The following DMXL2 variants were observed in gnomAD, a reference collection of about 807,000 sequenced individuals.
DMXL2 encodes the protein Dmx like 2, also known as dmX-like protein 2.
Under a neutral mutation model 331.1 loss-of-function variants are expected in DMXL2, and 103 were observed. The ratio of observed to expected loss-of-function variants is 0.31; its 90% CI spans 0.27 to 0.37. The LOEUF (loss-of-function observed/expected upper bound fraction) is 0.37. DMXL2 is among the 10% of genes least tolerant of loss of function. DMXL2 has a pLI of 1.00. For missense variants in DMXL2, 3,171 were observed against 3,642.9 expected (o/e 0.87, Z 3.33); for synonymous variants, 1,281 against 1,252.1 (o/e 1.02, Z -0.49).
At position 51,451,649 on chromosome 15, in the gene DMXL2, A is replaced by C. The variant is rs780665297; in HGVS notation, c.8745T>G (p.Ile2915Met). 2 of 1,612,406 alleles carry C rather than the reference A, an allele frequency of 1.2e-6. No homozygotes were observed. The highest frequency in any genetic ancestry group is 1.7e-6 in the Non-Finnish European group (2 of 1,178,842). ...AAATCATAGACCTTAACTCACCATG[A>C]ATGAGGCTGTTTCCGGGTGATATTA... is the stretch of plus-strand genomic sequence containing the variant. ...DTLISPGNSLIHGFTCHDHGA... is the reference protein window; with the variant it reads ...DTLISPGNSLMHGFTCHDHGA... The change falls in exon 42 of 44, where the codon ATT (isoleucine) becomes ATG (methionine). Residue 2915 changes from isoleucine to methionine, a missense_variant. Coordinates refer to ENST00000560891, the MANE Select transcript of DMXL2 (RefSeq NM_001378457.1).
At chr15:51,519,633 CTTG>C in intron 13 of DMXL2, among the ~76,000 whole-genome samples, 1 of 118,326 alleles carries the variant, frequency 8.5e-6, no homozygotes, top group Non-Finnish European at 1.8e-5. Flanking sequence ...GACAAAGTCT[CTTG>C]TTTTTTTTTT....
chr15:51,502,306 TTGTGTGTGTGTGTG>T (rs769283309), intron 17 of DMXL2, among the ~76,000 whole-genome samples: 1 of 140,558 alleles, frequency 7.1e-6, no homozygotes, highest in Non-Finnish European at 1.5e-5. Flanking sequence ...TTTTGTGGGT[TTGTGTGTGTGTGTG>T]TGTGTGTGTG....
chr15:51,480,386 A>T (rs931781053), intron 24 of DMXL2, among the ~76,000 whole-genome samples, 156 bp downstream of exon 24: 1 of 152,230 alleles, frequency 6.6e-6, no homozygotes, highest in Non-Finnish European at 1.5e-5. Context: ...TCAGTCTAAG[A>T]CACATAGAGT....
rs149207084 is a variant in DMXL2, at chr15:51,471,301, C to T, written c.7314G>A (p.Pro2438=). Residue 2438 remains proline, a synonymous_variant, in exon 29 of 44, where the codon CCG becomes CCA. Transcript: ENST00000560891. The part of the protein sequence containing the change: ...GRPVKDATPP[P]VPAERPSYKE... ...TGTAAGATGGTCTTTCTGCAGGCAC[C>T]GGTGGTGGGGTAGCATCTTTTACAG... 25 of 1,613,756 alleles carry T rather than the reference C, an allele frequency of 1.5e-5. No homozygotes were observed. In the South Asian group the frequency reaches 1.8e-4, roughly 11 times the overall value.
rs777505764 is a variant in DMXL2, at chr15:51,545,713, A to C, written c.800T>G (p.Leu267Arg). 6.2e-7 allele frequency: 1 copy of C among 1,613,714 alleles called. No individual in the cohort carries two copies. The highest frequency in any genetic ancestry group is 1.7e-5 in the Admixed American group (1 of 59,990). The stretch of plus-strand genomic sequence containing the variant: ...TTCTGGTAATAAAGTTTCTGCCCAG[A>C]GCCGGCACACACCATCATGACATGA... ...LTSCHDGVCR[L>R]WAETLLPEDC... The change falls in exon 8 of 44, where the codon CTC becomes CGC. Residue 267 changes from leucine to arginine, a missense_variant. Coordinates refer to ENST00000560891, the MANE Select transcript of DMXL2 (RefSeq NM_001378457.1).
rs752607350 is a variant in DMXL2 at position 51,474,393 on chromosome 15, G to A, written c.7164C>T (p.Gly2388=). Residue 2388 remains glycine, a synonymous_variant, in exon 28 of 44, where the codon GGC becomes GGT. Coordinates refer to ENST00000560891, the MANE Select transcript of DMXL2 (RefSeq NM_001378457.1). ...NNRMWAAVFG[G]GVKLVVKPRR... ...GAGGTTTCACAACAAGTTTTACACC[G>A]CCTCCAAAAACAGCAGCCCACATTC... 1.3e-5 allele frequency: 21 copies of A among 1,613,178 alleles called. No homozygotes were observed. The highest frequency in any genetic ancestry group is 1.0e-4 in the Admixed American group (6 of 59,980).
At chr15:51,500,624 T>A (rs904516654) in intron 17 of DMXL2, among the ~76,000 whole-genome samples, 1 of 152,238 alleles carries the variant, frequency 6.6e-6, no homozygotes, top group East Asian at 1.9e-4. Context: ...ATCATTTTCA[T>A]CATGAATACT....
At chr15:51,533,358 A>G (rs938277619) in intron 13 of DMXL2, among the ~76,000 whole-genome samples, 2 of 152,162 alleles carry the variant, frequency 1.3e-5, no homozygotes, top group Admixed American at 1.3e-4. Flanking sequence ...ATTTGAAGGT[A>G]GACTATGAGA....
At chr15:51,533,047 G>C (rs1166717800) in intron 13 of DMXL2, among the ~76,000 whole-genome samples, 1 of 152,096 alleles carries the variant, frequency 6.6e-6, no homozygotes, top group African/African-American at 2.4e-5. Context: ...TAACTACATG[G>C]ACACCAACAT....
At chr15:51,507,975 G>T (rs558497548) in intron 15 of DMXL2, among the ~76,000 whole-genome samples, 126 of 152,202 alleles carry the variant, frequency 8.3e-4, no homozygotes, top group Middle Eastern at 3.4e-3. Context: ...TCTAATGCAG[G>T]ATAATAAAAG....
chr15:51,502,619 A>C (rs2140512554), intron 17 of DMXL2, among the ~76,000 whole-genome samples, 187 bp downstream of exon 17: 1 of 152,276 alleles, frequency 6.6e-6, no homozygotes, highest in South Asian at 2.1e-4. Flanking sequence ...CACCGCACCC[A>C]GCCAGGAAAT....
At chr15:51,489,192 T>G (rs1409077546) in intron 20 of DMXL2, among the ~76,000 whole-genome samples, 1 of 152,208 alleles carries the variant, frequency 6.6e-6, no homozygotes, top group Non-Finnish European at 1.5e-5. Context: ...CCATACCTTA[T>G]TTTTCCAAGA....
Position 51,576,187 on chromosome 15 carries a change from A to AAAAAAAAAAAAAAT in DMXL2, c.88-7_88-6insATTTTTTTTTTTTT. The AAAAAAAAAAAAAAT allele has an allele frequency of 7.1e-7, 1 of 1,405,450 alleles. No homozygotes were observed. Among genetic ancestry groups the AAAAAAAAAAAAAAT allele is most frequent in the Non-Finnish European group, 9.4e-7 (1 of 1,060,044 alleles). 87.1% of individuals were successfully genotyped at this position (1,405,450 alleles called of 1,614,324 possible). ...TCACAGCCTGATCCATATGCCTAAA[A>AAAAAAAAAAAAAAT]AAAAAAAAAAAAAAAAGTTTTACAA... On this transcript the variant is annotated splice_region_variant and splice_polypyrimidine_tract_variant and intron_variant, in intron 1 of 43. Coordinates refer to ENST00000560891, the MANE Select transcript of DMXL2 (RefSeq NM_001378457.1).
Position 51,536,833 on chromosome 15 carries a change from T to C in DMXL2, c.1647A>G (p.Ala549=), listed in dbSNP as rs1289434866. ...GAGAGCTTGCATCACCAGAGGGAAA[T>C]GCAACAGGAATCCGAGAAGAAAAAG... ...QVSFSSRIPV[A]FPSGDASSLS... is the part of the protein sequence containing the mutation. Residue 549 remains alanine (A), a synonymous_variant, in exon 12 of 44, where the codon GCA becomes GCG. Coordinates refer to ENST00000560891, the MANE Select transcript of DMXL2 (RefSeq NM_001378457.1). 1.2e-6 allele frequency: 2 copies of C among 1,608,666 alleles called. No individual in the cohort carries two copies. Among genetic ancestry groups the C allele is most frequent in the South Asian group, 2.2e-5 (2 of 89,804 alleles).
At chr15:51,484,111 G>T (rs751570745) in intron 23 of DMXL2, among the ~76,000 whole-genome samples, 2 of 152,136 alleles carry the variant, frequency 1.3e-5, no homozygotes, top group Non-Finnish European at 2.9e-5. Flanking sequence ...CAGCTGAGCA[G>T]CCATGCAATC....
At chr15:51,498,311 G>C (rs1360665747) in intron 18 of DMXL2, among the ~76,000 whole-genome samples, 1 of 151,980 alleles carries the variant, frequency 6.6e-6, no homozygotes, top group Non-Finnish European at 1.5e-5. Context: ...TGACACAAAG[G>C]TTTCAGTGTA....
chr15:51,592,093 A>C (rs563849799), intron 1 of DMXL2, among the ~76,000 whole-genome samples: 1 of 152,306 alleles, frequency 6.6e-6, no homozygotes, highest in East Asian at 1.9e-4. Context: ...TGAGAGAAGA[A>C]GGCTTCAGAC....
chr15:51,471,262 A>G lies in DMXL2; in HGVS notation c.7353T>C (p.Ile2451=). ...AATCCCACATACTAAGTTCGGGAGG[A>G]ATAAATTTTTCTTTGTAAGATGGTC... ...AERPSYKEKF[I]PPELSMWDYF... is the part of the protein sequence containing the mutation. The change falls in exon 29 of 44, where the codon ATT becomes ATC. Residue 2451 remains isoleucine (I), a synonymous_variant. Transcript: ENST00000560891. 1 of 1,614,040 alleles carries G rather than the reference A, an allele frequency of 6.2e-7. No individual in the cohort carries two copies. Among genetic ancestry groups the G allele is most frequent in the Non-Finnish European group, 8.5e-7 (1 of 1,179,948 alleles).
chr15:51,509,215 G>C (rs1278174896), intron 15 of DMXL2, among the ~76,000 whole-genome samples: 1 of 151,396 alleles, frequency 6.6e-6, no homozygotes, highest in Non-Finnish European at 1.5e-5. Context: ...ACTTGCTCTA[G>C]AACTGAAGGA....
Sources: gnomAD v4.1 joint callset for allele counts (sites outside exome capture counted in the v4.1 genomes callset) on GRCh38, gnomAD v4.1.1 for gene constraint, MANE v1.5 for transcripts, NCBI Gene and HGNC (gene_info 2026-07-23, HGNC 2026-07-21) for gene names.